KHDRBS2: variants seen among roughly 807,000 people sequenced by gnomAD.
KHDRBS2 encodes KH RNA binding domain containing, signal transduction associated 2, also known as KH domain-containing, RNA-binding, signal transduction-associated protein 2.
A neutral mutation model predicts 44.3 loss-of-function variants in KHDRBS2; 26 were observed. That is an observed-to-expected ratio of 0.59 (90% CI 0.43 to 0.81). KHDRBS2 has a LOEUF of 0.81. KHDRBS2 is among the 40% of genes least tolerant of loss of function. The pLI is 0.00. For synonymous variants in KHDRBS2, 194 were observed against 151.1 expected (o/e 1.28, Z -2.08); for missense variants, 476 against 433.1 (o/e 1.10, Z -0.88).
At chr6:61,576,578 A>C in the KHDRBS2 span, among the ~76,000 whole-genome samples, 3 of 152,142 alleles carry the variant, frequency 2.0e-5, no homozygotes, top group Non-Finnish European at 4.4e-5. Flanking sequence ...CGTAATTAAA[A>C]GATGTTTTGT....
At chr6:61,840,733 G>A (rs1393599908) in intron 6 of KHDRBS2, among the ~76,000 whole-genome samples, 1 of 152,078 alleles carries the variant, frequency 6.6e-6, no homozygotes. Context: ...AATCCTCAAT[G>A]TTGCATCCCA....
intron 2 of KHDRBS2, among the ~76,000 whole-genome samples, chr6:62,074,030 G>C (rs1795845142): frequency 6.6e-6 from 1 of 151,752 alleles, no homozygotes; most frequent in South Asian, 2.1e-4. Context: ...TCAACTCAGA[G>C]AGTTGATAAG....
At chr6:61,869,094 C>G (rs188823277) in intron 6 of KHDRBS2, among the ~76,000 whole-genome samples, 1 of 152,230 alleles carries the variant, frequency 6.6e-6, no homozygotes, top group Non-Finnish European at 1.5e-5. Context: ...GGTTCCCTTG[C>G]GTCCACATTA....
chr6:61,635,621 A>C, the KHDRBS2 span, among the ~76,000 whole-genome samples: 1 of 152,010 alleles, frequency 6.6e-6, no homozygotes, highest in Non-Finnish European at 1.5e-5. Context: ...ATGAATGACT[A>C]AATCTAGGCT....
chr6:62,185,164 C>A (rs546924198), intron 1 of KHDRBS2, among the ~76,000 whole-genome samples: 1 of 151,884 alleles, frequency 6.6e-6, no homozygotes, highest in South Asian at 2.1e-4. Context: ...TATTATTACA[C>A]CTCACATTTG....
chr6:61,690,225 T>C (rs1767247586), intron 8 of KHDRBS2, among the ~76,000 whole-genome samples: 1 of 151,938 alleles, frequency 6.6e-6, no homozygotes, highest in Non-Finnish European at 1.5e-5. Flanking sequence ...TACTTCCAAG[T>C]GGGCAAAATT....
intron 1 of KHDRBS2, among the ~76,000 whole-genome samples, chr6:62,180,497 C>T (rs1166027646): frequency 2.6e-5 from 4 of 151,668 alleles, no homozygotes; most frequent in Admixed American, 6.6e-5. Context: ...AGCTGGTTAA[C>T]GACTTGTACG....
chr6:61,981,608 A>G (rs1010137227), intron 3 of KHDRBS2, among the ~76,000 whole-genome samples: 1 of 152,150 alleles, frequency 6.6e-6, no homozygotes, highest in African/African-American at 2.4e-5. Flanking sequence ...CTGTGATCCT[A>G]TTTAATGCAG....
intron 4 of KHDRBS2, among the ~76,000 whole-genome samples, chr6:61,955,576 G>A (rs79440800): frequency 0.63 from 13,540 of 21,502 alleles, 6,351 homozygotes; most frequent in African/African-American, 0.87. Flanking sequence ...ATATATACAC[G>A]TATGTATGTA....
At chr6:61,983,246 T>C (rs1774339016) in intron 3 of KHDRBS2, among the ~76,000 whole-genome samples, 2 of 141,910 alleles carry the variant, frequency 1.4e-5, no homozygotes, top group African/African-American at 2.6e-5. Flanking sequence ...CTTTTTTTTT[T>C]TTTTTTTTTT....
At chr6:61,708,818 A>T (rs1038464290) in intron 7 of KHDRBS2, among the ~76,000 whole-genome samples, 2 of 151,668 alleles carry the variant, frequency 1.3e-5, no homozygotes, top group African/African-American at 4.8e-5. Flanking sequence ...CAGCCAACTT[A>T]TTGTGAGACA....
At chr6:61,622,036 G>A in the KHDRBS2 span, among the ~76,000 whole-genome samples, 2 of 152,276 alleles carry the variant, frequency 1.3e-5, no homozygotes, top group South Asian at 2.1e-4. Flanking sequence ...CCCCAGCAAC[G>A]TTTTAATTGT....
intron 6 of KHDRBS2, among the ~76,000 whole-genome samples, chr6:61,875,464 A>G (rs1380038903): frequency 6.6e-6 from 1 of 152,000 alleles, no homozygotes; most frequent in Non-Finnish European, 1.5e-5. Context: ...CTCAGACCCT[A>G]CTCTTGCCTA....
chr6:62,077,907 G>A (rs1584551707), intron 2 of KHDRBS2, among the ~76,000 whole-genome samples: 1 of 151,994 alleles, frequency 6.6e-6, no homozygotes, highest in East Asian at 1.9e-4. Context: ...AGTGGCCATA[G>A]CATCTCCTCT....
chr6:62,012,091 C>T (rs1343712181), intron 3 of KHDRBS2, among the ~76,000 whole-genome samples: 1 of 143,714 alleles, frequency 7.0e-6, no homozygotes, highest in Admixed American at 7.5e-5. Context: ...ATAACAATCC[C>T]CTTCTTGACG....
chr6:61,863,377 T>C (rs1275606650), intron 6 of KHDRBS2, among the ~76,000 whole-genome samples: 1 of 152,088 alleles, frequency 6.6e-6, no homozygotes, highest in African/African-American at 2.4e-5. Context: ...TTAGTTGTGA[T>C]GTTAGATTAT....
chr6:62,244,820 C>T (rs746535115), intron 1 of KHDRBS2, among the ~76,000 whole-genome samples: 12 of 151,964 alleles, frequency 7.9e-5, no homozygotes, highest in East Asian at 1.9e-4. Context: ...TACATTTGGC[C>T]GGCCATGTTT....
chr6:62,035,556 G>T (rs1785135869), intron 3 of KHDRBS2, among the ~76,000 whole-genome samples: 1 of 151,912 alleles, frequency 6.6e-6, no homozygotes, highest in Admixed American at 6.6e-5. Context: ...CAAATAGAAA[G>T]AATGAATAAG....
chr6:62,089,112 G>C (rs938564987), intron 2 of KHDRBS2, among the ~76,000 whole-genome samples: 3 of 152,054 alleles, frequency 2.0e-5, no homozygotes, highest in Non-Finnish European at 4.4e-5. Flanking sequence ...AGACTGCTGT[G>C]CTGGCAGCAA....
Sources: allele counts gnomAD v4.1 joint callset (sites outside exome capture counted in the v4.1 genomes callset), GRCh38; gene constraint gnomAD v4.1.1; transcripts MANE v1.5; gene names NCBI Gene and HGNC (gene_info 2026-07-23, HGNC 2026-07-21).